Variants in GNB1L observed in about 807,000 individuals in gnomAD.
The protein encoded by GNB1L is G protein subunit beta 1 like, also known as guanine nucleotide-binding protein subunit beta-like protein 1.
Under a neutral mutation model 29.1 loss-of-function variants are expected in GNB1L, and 20 were observed. The ratio of observed to expected loss-of-function variants is 0.69; its 90% CI spans 0.48 to 1.00. GNB1L has a LOEUF of 1.00. GNB1L is among the 50% of genes least tolerant of loss of function. The pLI is 0.00. For missense variants in GNB1L, 421 were observed against 464.9 expected (o/e 0.91, Z 0.87); for synonymous variants, 193 against 206.5 (o/e 0.93, Z 0.56).
At chr22:19,801,428 C>T (rs1014485727) in intron 7 of GNB1L, among the ~76,000 whole-genome samples, 1 of 148,142 alleles carries the variant, frequency 6.8e-6, no homozygotes, top group African/African-American at 2.4e-5. Context: ...TAGGCCAGGC[C>T]ACCCTGGAGC....
In GNB1L at chr22:19,807,421, C is replaced by T. The variant is rs539916848; in HGVS notation, c.418-664G>A. Among the ~76,000 whole-genome samples the T allele has an allele frequency of 9.9e-5, 15 of 152,278 alleles. No homozygotes were observed. The South Asian group carries it at 2.3e-3, about 23-fold the overall frequency. On this transcript the variant is annotated intron_variant, in intron 5 of 7. Coordinates refer to ENST00000329517, the MANE Select transcript of GNB1L (RefSeq NM_053004.3). ...AGGTGGTTCTGCTGGAATCCAGGTC[C>T]GCCTGCACCCTCTGCCCTCGCTCTG...
At chr22:19,828,972 C>G (rs934999438) in intron 2 of GNB1L, among the ~76,000 whole-genome samples, 1 of 152,090 alleles carries the variant, frequency 6.6e-6, no homozygotes, top group Admixed American at 6.6e-5. Context: ...GCTGGGACTA[C>G]AGGCACACGC....
rs1937202747 is a variant in GNB1L at position 19,787,605 on chromosome 22, G to A, written c.*1104C>T. On this transcript the variant is annotated 3_prime_UTR_variant, in exon 8 of 8. Coordinates refer to ENST00000329517, the MANE Select transcript of GNB1L (RefSeq NM_053004.3). ...GTTCTAGGACTAGAAGCCCAGGTGG[G>A]GGTCCCAAGGAGCATCGGCAGGGCC... The A allele has an allele frequency of 6.6e-6, 1 of 152,306 alleles. No individual in the cohort carries two copies. Among genetic ancestry groups the A allele is most frequent in the Non-Finnish European group, 1.5e-5 (1 of 68,086 alleles). 9.4% of individuals were successfully genotyped at this position (152,306 alleles called of 1,614,324 possible). A position where few individuals can be genotyped will look rare whatever the true frequency, so the allele number is the denominator to read the frequency against.
chr22:19,829,937 T>C (rs1937656818), intron 2 of GNB1L, among the ~76,000 whole-genome samples: 1 of 152,174 alleles, frequency 6.6e-6, no homozygotes, highest in Non-Finnish European at 1.5e-5. Flanking sequence ...AAGATCAGAA[T>C]GCCTGCTATC....
intron 2 of GNB1L, among the ~76,000 whole-genome samples, chr22:19,835,860 TAAATACAAATGA>T (rs1410914193): frequency 2.0e-5 from 3 of 152,092 alleles, no homozygotes; most frequent in Admixed American, 6.5e-5. Flanking sequence ...ATATCTAAAC[TAAATACAAATGA>T]AAACACCACA....
chr22:19,810,316 G>A (rs1192236065), intron 5 of GNB1L, among the ~76,000 whole-genome samples: 1 of 152,202 alleles, frequency 6.6e-6, no homozygotes, highest in Non-Finnish European at 1.5e-5. Context: ...AGACCCCTCT[G>A]GGGACAGTGA....
chr22:19,845,310 C>T (rs185482842), intron 2 of GNB1L, among the ~76,000 whole-genome samples: 2 of 152,362 alleles, frequency 1.3e-5, no homozygotes, highest in Admixed American at 6.5e-5. Flanking sequence ...TCGCTCTGCC[C>T]TGTGGGTGCT....
Position 19,827,761 on chromosome 22 carries a change from C to T in GNB1L, c.-20-6386G>A, listed in dbSNP as rs1483497630. ...TAGAAGGAGCGCACACGGAAACGAC[C>T]ACTTTGGAAAACAATCTGACTCCAT... On this transcript the variant is annotated intron_variant, in intron 2 of 7. Coordinates refer to ENST00000329517, the MANE Select transcript of GNB1L (RefSeq NM_053004.3). 2.0e-5 allele frequency among the ~76,000 whole-genome samples: 3 copies of T among 152,296 alleles called. No individual in the cohort carries two copies. In the East Asian group the frequency reaches 5.8e-4, roughly 29 times the overall value.
At position 19,849,837 on chromosome 22, in the gene GNB1L, A is replaced by C. The variant is rs939017259; in HGVS notation, c.-21+4606T>G. On this transcript the variant is annotated intron_variant, in intron 2 of 7. Coordinates refer to ENST00000329517, the MANE Select transcript of GNB1L (RefSeq NM_053004.3). ...GACTTGAACTTCTTGTCCAAGCACC[A>C]GAGTGGGCACACACTGCACACACTG... 7.1e-6 allele frequency: 7 copies of C among 985,348 alleles called. No homozygotes were observed. The African/African-American group carries it at 1.2e-4, about 17-fold the overall frequency. The allele number at this position is 985,348 out of a possible 1,614,324, so 61.0% of individuals were successfully genotyped here.
In GNB1L at chr22:19,806,669, C is replaced by T. The variant is rs781128765; in HGVS notation, c.506G>A (p.Arg169Gln). ...DAKLGMPMCLRLWQADCSSRP... is the reference protein window; with the variant it reads ...DAKLGMPMCLQLWQADCSSRP... Reference sequence around the variant, plus strand: ...CACGCGGGGCCTTACCTGCCACAGCCGCAGGCACATGGGCATGCCCAGCTT... The same window carrying T: ...CACGCGGGGCCTTACCTGCCACAGCTGCAGGCACATGGGCATGCCCAGCTT... The change falls in exon 6 of 8, where the codon CGG (arginine) becomes CAG (glutamine). Residue 169 changes from arginine (R) to glutamine (Q), a missense_variant. Arg to Gln is a conservative substitution (Grantham distance 43, BLOSUM62 1). Coordinates refer to ENST00000329517, the MANE Select transcript of GNB1L (RefSeq NM_053004.3). 51 of 1,610,352 alleles carry T rather than the reference C, an allele frequency of 3.2e-5. No individual in the cohort carries two copies. The Middle Eastern group carries it at 4.9e-4, about 16-fold the overall frequency.
chr22:19,829,527 G>A (rs1387264242), intron 2 of GNB1L, among the ~76,000 whole-genome samples: 1 of 152,074 alleles, frequency 6.6e-6, no homozygotes, highest in Non-Finnish European at 1.5e-5. Context: ...CAATTTATGA[G>A]ATATATTTAA....
At chr22:19,846,307 T>G (rs992623600) in intron 2 of GNB1L, 1 of 572,564 alleles carries the variant, frequency 1.7e-6, no homozygotes, top group African/African-American at 2.0e-5. Flanking sequence ...AGGCAGAAAG[T>G]TACAACCTGG....
chr22:19,817,731 A>T (rs1047275899), intron 4 of GNB1L, among the ~76,000 whole-genome samples: 1 of 152,156 alleles, frequency 6.6e-6, no homozygotes, highest in Non-Finnish European at 1.5e-5. Context: ...ATCTCCAGGG[A>T]GAGCAGGTGG....
rs1196773434 is a variant in GNB1L at position 19,820,823 on chromosome 22, G to A, written c.129-100C>T. ...CACATTGTGGGATGCGGGCATCTAG[G>A]CTGGTTGAGCTGAAAAGCCAACAGC... On this transcript the variant is annotated intron_variant, in intron 3 of 7. Coordinates refer to ENST00000329517, the MANE Select transcript of GNB1L (RefSeq NM_053004.3). The A allele has an allele frequency of 2.2e-6, 3 of 1,379,748 alleles. No individual in the cohort carries two copies. The Admixed American group carries it at 6.5e-5, about 30-fold the overall frequency. 85.5% of individuals were successfully genotyped at this position (1,379,748 alleles called of 1,614,324 possible). A position where few individuals can be genotyped will look rare whatever the true frequency, so the allele number is the denominator to read the frequency against.
rs561927448 is a variant in GNB1L, at chr22:19,844,222, A to T, written c.-21+10221T>A. Among the ~76,000 whole-genome samples the T allele has an allele frequency of 2.0e-5, 3 of 152,318 alleles. No homozygotes were observed. In the South Asian group the frequency reaches 6.2e-4, roughly 32 times the overall value. On this transcript the variant is annotated intron_variant, in intron 2 of 7. Coordinates refer to ENST00000329517, the MANE Select transcript of GNB1L (RefSeq NM_053004.3). ...GAGATCAGTCACTTTTGCTGGGGACACGCCCAAATGGCGTGATTCGTTCCC... is the reference window on the plus strand; with the variant it reads ...GAGATCAGTCACTTTTGCTGGGGACTCGCCCAAATGGCGTGATTCGTTCCC...
intron 2 of GNB1L, among the ~76,000 whole-genome samples, chr22:19,832,524 C>T (rs1937697403): frequency 6.6e-6 from 1 of 152,082 alleles, no homozygotes; most frequent in African/African-American, 2.4e-5. Flanking sequence ...GCAGCAGTGG[C>T]TAAAACTTGG....
chr22:19,853,105 G>C (rs1210423443), intron 2 of GNB1L, among the ~76,000 whole-genome samples: 1 of 152,030 alleles, frequency 6.6e-6, no homozygotes, highest in South Asian at 2.1e-4. Flanking sequence ...GCTCCCTCCT[G>C]ACCCCACATG....
intron 7 of GNB1L, among the ~76,000 whole-genome samples, chr22:19,793,987 T>C (rs188743629): frequency 1.3e-5 from 2 of 152,284 alleles, no homozygotes; most frequent in Admixed American, 6.5e-5. Context: ...AGTTTTTTTT[T>C]AAACTGATGA....
At chr22:19,790,175 GGA>G (rs1332337094) in intron 7 of GNB1L, among the ~76,000 whole-genome samples, 2 of 152,212 alleles carry the variant, frequency 1.3e-5, no homozygotes, top group Non-Finnish European at 2.9e-5. Context: ...AGAGATAACT[GGA>G]GAACTGCAGC....
Sources: allele counts gnomAD v4.1 joint callset (sites outside exome capture counted in the v4.1 genomes callset), GRCh38; gene constraint gnomAD v4.1.1; transcripts MANE v1.5; gene names NCBI Gene and HGNC (gene_info 2026-07-23, HGNC 2026-07-21).